LRMDA: variants seen among roughly 807,000 people sequenced by gnomAD.
LRMDA encodes the protein leucine rich melanocyte differentiation associated, also known as leucine-rich melanocyte differentiation-associated protein.
Under a neutral mutation model 29.8 loss-of-function variants are expected in LRMDA, and 18 were observed. The ratio of observed to expected loss-of-function variants is 0.60; its 90% confidence interval spans 0.42 to 0.90. The LOEUF is 0.90. Ranked by LOEUF, LRMDA falls within the 40% of genes least tolerant of loss-of-function variation. LRMDA has a pLI of 0.00. For missense variants in LRMDA, 273 were observed against 273.9 expected (o/e 1.00, Z 0.02); for synonymous variants, 125 against 109.4 (o/e 1.14, Z -0.89).
chr10:76,185,941 GC>G (rs1362208310), intron 5 of LRMDA, among the ~76,000 whole-genome samples: 1 of 152,050 alleles, frequency 6.6e-6, no homozygotes, highest in Non-Finnish European at 1.5e-5. Context: ...TGTCAACCTA[GC>G]AAAACCTCAT....
chr10:75,718,755 A>C (rs1237325789), intron 2 of LRMDA, among the ~76,000 whole-genome samples: 1 of 152,246 alleles, frequency 6.6e-6, no homozygotes, highest in Non-Finnish European at 1.5e-5. Flanking sequence ...AAGGTATAAA[A>C]AATTAAAAGT....
At chr10:76,259,565 T>C (rs1314043422) in intron 5 of LRMDA, among the ~76,000 whole-genome samples, 1 of 152,142 alleles carries the variant, frequency 6.6e-6, no homozygotes, top group East Asian at 1.9e-4. Flanking sequence ...GTTACCTACA[T>C]GTCTGTTAAG....
chr10:75,613,706 C>T (rs547583196), intron 2 of LRMDA, among the ~76,000 whole-genome samples: 5 of 152,288 alleles, frequency 3.3e-5, no homozygotes, highest in East Asian at 1.9e-4. Flanking sequence ...GCCAGTGTTT[C>T]GTGCAGGGGA....
Position 76,040,330 on chromosome 10 carries a change from A to G in LRMDA, c.258+4196A>G, listed in dbSNP as rs543141252. Among the ~76,000 whole-genome samples the G allele has an allele frequency of 3.3e-5, 5 of 152,048 alleles. No individual in the cohort carries two copies. In the South Asian group the frequency reaches 6.3e-4, roughly 19 times the overall value. ...AAATTTCTTCTGTGTTCATCAGTCAATGCCTCCCTGCCATCTGCATACCTC... is the reference window on the plus strand; with the variant it reads ...AAATTTCTTCTGTGTTCATCAGTCAGTGCCTCCCTGCCATCTGCATACCTC... On this transcript the variant is annotated intron_variant, in intron 3 of 6. Coordinates refer to ENST00000611255, the MANE Select transcript of LRMDA (RefSeq NM_001305581.2).
At chr10:75,763,698 A>ATTT (rs58980040) in intron 2 of LRMDA, among the ~76,000 whole-genome samples, 1 of 141,870 alleles carries the variant, frequency 7.0e-6, no homozygotes, top group Non-Finnish European at 1.5e-5. Context: ...AATCAGGACA[A>ATTT]TTTTTTTTTT....
At chr10:76,164,875 TA>T (rs1850711492) in intron 5 of LRMDA, among the ~76,000 whole-genome samples, 1 of 152,236 alleles carries the variant, frequency 6.6e-6, no homozygotes, top group South Asian at 2.1e-4. Context: ...TTTATGAGTT[TA>T]TGGATTACAA....
chr10:75,996,853 C>T (rs1437494519), intron 2 of LRMDA, among the ~76,000 whole-genome samples: 1 of 151,882 alleles, frequency 6.6e-6, no homozygotes, highest in Non-Finnish European at 1.5e-5. Context: ...CTGCCTCAGC[C>T]TCCCGAGTAG....
intron 4 of LRMDA, among the ~76,000 whole-genome samples, chr10:76,047,827 G>A (rs1174390596): frequency 6.6e-6 from 1 of 152,210 alleles, no homozygotes; most frequent in African/African-American, 2.4e-5. Flanking sequence ...AATCTCAAGA[G>A]GAAGTCCCAC....
intron 5 of LRMDA, among the ~76,000 whole-genome samples, chr10:76,211,692 T>C (rs147352976): frequency 6.6e-5 from 10 of 152,364 alleles, no homozygotes; most frequent in African/African-American, 2.4e-4. Flanking sequence ...GAGTGTCTTT[T>C]TAATATCAAC....
rs536451123 is a variant in LRMDA, at chr10:75,751,181, G to A, written c.132-284827G>A. On this transcript the variant is annotated intron_variant, in intron 2 of 6. Coordinates refer to ENST00000611255, the MANE Select transcript of LRMDA (RefSeq NM_001305581.2). ...AATACAAAAACCAGTCAGGCGTGGC[G>A]GCGCGTGCCTGCAATCCCAGGCACT... Among the ~76,000 whole-genome samples the A allele has an allele frequency of 1.6e-3, 249 of 152,316 alleles. 1 individual carries two copies. Among genetic ancestry groups the A allele is most frequent in the African/African-American group, 5.8e-3 (240 of 41,578 alleles).
intron 2 of LRMDA, among the ~76,000 whole-genome samples, chr10:75,526,556 A>G (rs866961046): frequency 2.0e-5 from 3 of 152,038 alleles, no homozygotes; most frequent in African/African-American, 7.2e-5. Context: ...TTTGGTTAAA[A>G]AAATACATAA....
chr10:75,883,001 CA>C (rs1819777757), intron 2 of LRMDA, among the ~76,000 whole-genome samples: 1 of 152,204 alleles, frequency 6.6e-6, no homozygotes, highest in African/African-American at 2.4e-5. Flanking sequence ...CAAGGCCAAA[CA>C]GTCCTTGTGC....
At chr10:75,967,973 C>G (rs538766993) in intron 2 of LRMDA, among the ~76,000 whole-genome samples, 8 of 152,172 alleles carry the variant, frequency 5.3e-5, no homozygotes, top group Non-Finnish European at 1.2e-4. Context: ...CTCCTGCTAA[C>G]TCTGTGGGTA....
At chr10:76,330,660 C>T (rs1404275973) in intron 6 of LRMDA, among the ~76,000 whole-genome samples, 1 of 152,186 alleles carries the variant, frequency 6.6e-6, no homozygotes, top group Non-Finnish European at 1.5e-5. Context: ...GACCTTGCTT[C>T]TGAGGCCCTT....
intron 2 of LRMDA, chr10:75,450,717 A>G (rs1026929564): frequency 2.0e-5 from 3 of 152,256 alleles, no homozygotes; most frequent in African/African-American, 7.2e-5. Flanking sequence ...TATCAGTGTG[A>G]GGGGCTGTTA....
At chr10:75,665,662 A>T (rs977475655) in intron 2 of LRMDA, among the ~76,000 whole-genome samples, 1 of 152,242 alleles carries the variant, frequency 6.6e-6, no homozygotes, top group Non-Finnish European at 1.5e-5. Context: ...TATAATCTTC[A>T]TTCATCCCAC....
At chr10:76,350,499 C>T (rs1237016879) in intron 6 of LRMDA, among the ~76,000 whole-genome samples, 1 of 150,894 alleles carries the variant, frequency 6.6e-6, no homozygotes, top group African/African-American at 2.4e-5. Context: ...CTCCCCATGA[C>T]AGAGGGTCAG....
intron 2 of LRMDA, among the ~76,000 whole-genome samples, chr10:75,958,561 G>A (rs888129137): frequency 7.0e-6 from 1 of 143,184 alleles, no homozygotes; most frequent in Non-Finnish European, 1.6e-5. Flanking sequence ...TAAGAGTTCA[G>A]GTTGAAAAAA....
At chr10:75,480,406 G>A (rs71473778) in intron 2 of LRMDA, among the ~76,000 whole-genome samples, 1 of 141,824 alleles carries the variant, frequency 7.1e-6, no homozygotes, top group Non-Finnish European at 1.6e-5. Context: ...GACACAAACA[G>A]GTACTGGGTA....
Sources: allele counts gnomAD v4.1 joint callset (sites outside exome capture counted in the v4.1 genomes callset), GRCh38; gene constraint gnomAD v4.1.1; transcripts MANE v1.5; gene names NCBI Gene and HGNC (gene_info 2026-07-23, HGNC 2026-07-21).